Variants in CLSTN2 observed in about 807,000 individuals in gnomAD.
CLSTN2 encodes calsyntenin 2, also known as calsyntenin-2.
Under a neutral mutation model 101.2 loss-of-function variants are expected in CLSTN2, and 48 were observed. The ratio of observed to expected loss-of-function variants is 0.47; its 90% CI spans 0.38 to 0.60. CLSTN2 has a LOEUF of 0.60. CLSTN2 is among the 20% of genes least tolerant of loss of function. CLSTN2 has a pLI of 0.00. For missense variants in CLSTN2, 1,160 were observed against 1,238.2 expected (o/e 0.94, Z 0.95); for synonymous variants, 481 against 463.6 (o/e 1.04, Z -0.48).
chr3:140,121,381 G>A (rs980879947), intron 1 of CLSTN2, among the ~76,000 whole-genome samples: 5 of 152,162 alleles, frequency 3.3e-5, no homozygotes, highest in African/African-American at 1.2e-4. Flanking sequence ...CAAGAGACAA[G>A]GGAGTTTTCT....
chr3:140,100,255 T>C (rs142001821), intron 1 of CLSTN2, among the ~76,000 whole-genome samples: 1 of 152,214 alleles, frequency 6.6e-6, no homozygotes, highest in Non-Finnish European at 1.5e-5. Context: ...TGAACTCCTT[T>C]CCTTCTTGAC....
chr3:140,455,911 G>A (rs911266775), intron 6 of CLSTN2, among the ~76,000 whole-genome samples: 1 of 152,218 alleles, frequency 6.6e-6, no homozygotes, highest in Non-Finnish European at 1.5e-5. Context: ...GCGGGTTAGA[G>A]AAAGTGGCCT....
At chr3:140,063,521 C>T (rs1006569946) in intron 1 of CLSTN2, among the ~76,000 whole-genome samples, 2 of 152,172 alleles carry the variant, frequency 1.3e-5, no homozygotes, top group African/African-American at 2.4e-5. Flanking sequence ...CTCACAGTCA[C>T]ACTGTGAGGC....
At chr3:140,259,460 T>C (rs530606870) in intron 2 of CLSTN2, among the ~76,000 whole-genome samples, 106 of 152,098 alleles carry the variant, frequency 7.0e-4, no homozygotes, top group African/African-American at 2.5e-3. Flanking sequence ...GGCAACAGAG[T>C]GAGACTCCAT....
intron 1 of CLSTN2, among the ~76,000 whole-genome samples, chr3:140,116,959 A>G (rs2009253746): frequency 1.3e-5 from 2 of 152,076 alleles, no homozygotes; most frequent in Non-Finnish European, 2.9e-5. Flanking sequence ...TCAGTGTACT[A>G]TTGGCTTTTG....
intron 15 of CLSTN2, among the ~76,000 whole-genome samples, chr3:140,563,709 C>T (rs1018939038): frequency 2.6e-5 from 4 of 152,196 alleles, no homozygotes; most frequent in Middle Eastern, 3.2e-3. Context: ...AACACCTATA[C>T]TGTGCCTATG....
intron 8 of CLSTN2, among the ~76,000 whole-genome samples, chr3:140,481,632 G>C (rs1390004930): frequency 1.3e-5 from 2 of 152,070 alleles, no homozygotes; most frequent in African/African-American, 2.4e-5. Context: ...TTTGAGCTGT[G>C]GTTTGTAGTT....
At chr3:139,964,948 A>G (rs186079004) in intron 1 of CLSTN2, among the ~76,000 whole-genome samples, 73 of 152,246 alleles carry the variant, frequency 4.8e-4, no homozygotes, top group Admixed American at 1.8e-3. Context: ...GTTGACAAAT[A>G]CCATCTGATA....
chr3:140,400,583 C>T (rs1355400875), intron 2 of CLSTN2, among the ~76,000 whole-genome samples: 2 of 152,106 alleles, frequency 1.3e-5, no homozygotes, highest in Non-Finnish European at 2.9e-5. Flanking sequence ...CCTGTAGCCC[C>T]AGCCACTCAG....
At chr3:140,083,945 A>G (rs1376166064) in intron 1 of CLSTN2, among the ~76,000 whole-genome samples, 1 of 152,228 alleles carries the variant, frequency 6.6e-6, no homozygotes, top group African/African-American at 2.4e-5. Context: ...GTAAGCATCA[A>G]AAGTGGACTC....
In CLSTN2 at chr3:140,400,006, C is replaced by T. The variant is rs561140105; in HGVS notation, c.233-3623C>T. 3.7e-4 allele frequency among the ~76,000 whole-genome samples: 56 copies of T among 151,442 alleles called. 1 individual carries two copies. The highest frequency in any genetic ancestry group is 1.3e-3 in the African/African-American group (53 of 41,360). On this transcript the variant is annotated intron_variant, in intron 2 of 16. Transcript: ENST00000458420. ...AATGAGTCGTCTGATCTTCCCTTTT[C>T]CCCTCCACCATCGTTTTCAGTGTAA...
intron 2 of CLSTN2, among the ~76,000 whole-genome samples, chr3:140,350,224 T>G (rs1201921198): frequency 1.3e-5 from 2 of 152,242 alleles, no homozygotes; most frequent in Non-Finnish European, 2.9e-5. Context: ...CAAATCTTTC[T>G]TTAATGGTGC....
At chr3:140,138,003 G>A (rs1205999955) in intron 1 of CLSTN2, among the ~76,000 whole-genome samples, 6 of 152,082 alleles carry the variant, frequency 3.9e-5, no homozygotes, top group East Asian at 1.9e-4. Context: ...AGAACCATAC[G>A]ACATACACAT....
intron 1 of CLSTN2, among the ~76,000 whole-genome samples, chr3:139,995,248 C>G (rs1028657122): frequency 6.6e-6 from 1 of 152,178 alleles, no homozygotes; most frequent in African/African-American, 2.4e-5. Flanking sequence ...CCCCAAATGA[C>G]CCCATCACCC....
chr3:140,536,379 A>G (rs1329652114), intron 9 of CLSTN2, among the ~76,000 whole-genome samples: 1 of 152,070 alleles, frequency 6.6e-6, no homozygotes, highest in Non-Finnish European at 1.5e-5. Context: ...TGAGCCTCTC[A>G]TCTAAGACCA....
At position 140,296,923 on chromosome 3, in the gene CLSTN2, G is replaced by T. The variant is rs539173161; in HGVS notation, c.233-106706G>T. Reference sequence around the variant, plus strand: ...GAGCTGGGGCTAAGCCAGCAGGAGTGGTCAGGCCCACCCTACAGGCAGCCT... The same window carrying T: ...GAGCTGGGGCTAAGCCAGCAGGAGTTGTCAGGCCCACCCTACAGGCAGCCT... On this transcript the variant is annotated intron_variant, in intron 2 of 16. Transcript: ENST00000458420. Among the ~76,000 whole-genome samples the T allele has an allele frequency of 3.3e-5, 5 of 152,298 alleles. No homozygotes were observed. In the East Asian group the frequency reaches 7.7e-4, roughly 24 times the overall value.
At chr3:140,035,042 G>C (rs547829741) in intron 1 of CLSTN2, among the ~76,000 whole-genome samples, 1 of 152,112 alleles carries the variant, frequency 6.6e-6, no homozygotes, top group African/African-American at 2.4e-5. Context: ...AGAAATTCCC[G>C]GGAACCTACC....
intron 5 of CLSTN2, among the ~76,000 whole-genome samples, chr3:140,438,151 A>C (rs1406509574): frequency 6.6e-6 from 1 of 152,098 alleles, no homozygotes; most frequent in African/African-American, 2.4e-5. Context: ...TCAGGAGTCT[A>C]TTTACTGGGC....
At chr3:139,993,889 C>A (rs9840271) in intron 1 of CLSTN2, among the ~76,000 whole-genome samples, 45,474 of 147,128 alleles carry the variant, frequency 0.31, 8,421 homozygotes, top group South Asian at 0.43. Flanking sequence ...GGAAACTGCA[C>A]AAATGAGAGT....
Sources: gnomAD v4.1 joint callset for allele counts (sites outside exome capture counted in the v4.1 genomes callset) on GRCh38, gnomAD v4.1.1 for gene constraint, MANE v1.5 for transcripts, NCBI Gene and HGNC (gene_info 2026-07-23, HGNC 2026-07-21) for gene names.